The following EGFL6 variants were observed in gnomAD, a reference collection of about 807,000 sequenced individuals.
The protein encoded by EGFL6 is EGF like domain multiple 6.
EGFL6 carries 42 observed loss-of-function variants against 43.1 expected under a neutral mutation model. The ratio of observed to expected loss-of-function variants is 0.98; its 90% CI spans 0.76 to 1.26. The LOEUF is 1.26. Ranked by LOEUF, EGFL6 falls within the 50% of genes most tolerant of loss-of-function variation. The pLI is 0.00. For missense variants in EGFL6, 429 were observed against 427.8 expected (o/e 1.00, Z -0.02); for synonymous variants, 164 against 163.2 (o/e 1.01, Z -0.04).
At chrX:13,629,888 C>T (rs1399411105) in intron 11 of EGFL6, among the ~76,000 whole-genome samples, 1 of 111,965 alleles carries the variant, frequency 8.9e-6, no homozygotes, top group East Asian at 2.8e-4. Flanking sequence ...CACATCTTTA[C>T]TTCATCATGG....
intron 1 of EGFL6, among the ~76,000 whole-genome samples, chrX:13,583,516 T>A (rs977441352): frequency 2.7e-5 from 3 of 111,716 alleles, no homozygotes; most frequent in Non-Finnish European, 5.6e-5. Context: ...AGTTACTTAA[T>A]AAATTTTGGG....
intron 1 of EGFL6, among the ~76,000 whole-genome samples, chrX:13,578,617 A>G (rs1441580988): frequency 9.0e-6 from 1 of 111,148 alleles, no homozygotes; most frequent in Non-Finnish European, 1.9e-5. Context: ...TGATGAGTTC[A>G]TATCCTTTGT....
chrX:13,613,888 C>T (rs774436170), intron 7 of EGFL6, among the ~76,000 whole-genome samples: 34 of 111,754 alleles, frequency 3.0e-4, no homozygotes, highest in African/African-American at 1.0e-3. Flanking sequence ...TTTGCTACAA[C>T]CAGGCCATCC....
At chrX:13,625,621 T>C (rs772180061) in intron 10 of EGFL6, among the ~76,000 whole-genome samples, 1 of 109,625 alleles carries the variant, frequency 9.1e-6, no homozygotes, top group Non-Finnish European at 1.9e-5. Context: ...GAGGCGGAGG[T>C]TGCAGTGAGC....
At chrX:13,600,280 C>CTTCTTTTTTTTTTTTTTTTTTTTT (rs1326551826) in intron 4 of EGFL6, among the ~76,000 whole-genome samples, 186 bp downstream of exon 4, 5 of 44,278 alleles carry the variant, frequency 1.1e-4, no homozygotes, top group African/African-American at 1.9e-4. Context: ...TTTCTTTCTT[C>CTTCTTTTTTTTTTTTTTTTTTTTT]TTTTTTTTTT....
At chrX:13,610,143 G>A (rs2045681677) in intron 7 of EGFL6, among the ~76,000 whole-genome samples, 1 of 112,387 alleles carries the variant, frequency 8.9e-6, no homozygotes, top group Admixed American at 9.4e-5. Flanking sequence ...CAAAGAAAAT[G>A]AGTCTGGAAA....
At position 13,606,545 on chromosome X, in the gene EGFL6, C is replaced by T. The variant is rs201932499; in HGVS notation, c.655+32C>T. 4 of 1,192,183 alleles carry T rather than the reference C, an allele frequency of 3.4e-6. No homozygotes were observed. The African/African-American group carries it at 5.3e-5, about 16-fold the overall frequency. ...TTCGATGGCACCTTTTCCTTTTTTTCCTGTCCCCACCAAACCTTTGAGCCT... is the reference window on the plus strand; with the variant it reads ...TTCGATGGCACCTTTTCCTTTTTTTTCTGTCCCCACCAAACCTTTGAGCCT... On this transcript the variant is annotated intron_variant, in intron 6 of 11. Coordinates refer to ENST00000361306, the MANE Select transcript of EGFL6 (RefSeq NM_015507.4).
intron 7 of EGFL6, among the ~76,000 whole-genome samples, chrX:13,609,710 C>T (rs1050702773): frequency 9.0e-5 from 10 of 111,258 alleles, no homozygotes; most frequent in African/African-American, 2.6e-4. Flanking sequence ...GCCGAGATCG[C>T]ACCACTGCAC....
intron 4 of EGFL6, among the ~76,000 whole-genome samples, 183 bp downstream of exon 4, chrX:13,600,277 C>CTTTT (rs377751812): frequency 4.9e-5 from 3 of 60,628 alleles, no homozygotes; most frequent in South Asian, 1.8e-3. Flanking sequence ...TTCTTTCTTT[C>CTTTT]TTCTTTTTTT....
intron 3 of EGFL6, among the ~76,000 whole-genome samples, chrX:13,599,056 G>C (rs998552453): frequency 2.8e-5 from 3 of 108,504 alleles, no homozygotes; most frequent in African/African-American, 1.0e-4. Flanking sequence ...TGTCTGACAG[G>C]GCTCCCTCTA....
At chrX:13,603,535 C>T in intron 5 of EGFL6, 99 bp downstream of exon 5, 6 of 961,341 alleles carry the variant, frequency 6.2e-6, no homozygotes, top group Non-Finnish European at 8.4e-6. Context: ...GTTGACTAGA[C>T]ATTGGAAACT....
At chrX:13,586,699 A>G (rs1056218223) in intron 1 of EGFL6, among the ~76,000 whole-genome samples, 1 of 112,001 alleles carries the variant, frequency 8.9e-6, no homozygotes, top group Non-Finnish European at 1.9e-5. Flanking sequence ...CCATTGCACC[A>G]TATGACCCAA....
At chrX:13,570,187 G>A (rs781263704) in intron 1 of EGFL6, among the ~76,000 whole-genome samples, 37 of 111,600 alleles carry the variant, frequency 3.3e-4, no homozygotes, top group African/African-American at 1.2e-3. Flanking sequence ...GGCTGCGTCC[G>A]GAGGGTTGCA....
chrX:13,603,185 C>T (rs1356961511), intron 4 of EGFL6, 132 bp from the exon 5 acceptor site: 1 of 799,775 alleles, frequency 1.3e-6, no homozygotes, highest in Non-Finnish European at 1.7e-6. Context: ...ATTTGGGACT[C>T]AGACAATGAA....
At chrX:13,590,757 A>T (rs2045558713) in intron 2 of EGFL6, among the ~76,000 whole-genome samples, 1 of 112,237 alleles carries the variant, frequency 8.9e-6, no homozygotes, top group Non-Finnish European at 1.9e-5. Context: ...ACCTTCTGCC[A>T]TCATAGTTTG....
chrX:13,578,758 A>G (rs776407811), intron 1 of EGFL6, among the ~76,000 whole-genome samples: 2,061 of 105,239 alleles, frequency 0.02, 119 homozygotes, highest in African/African-American at 0.076. Context: ...GAAGGGGAAC[A>G]TCACACACCG....
intron 3 of EGFL6, among the ~76,000 whole-genome samples, chrX:13,597,544 G>T (rs1184268027): frequency 6.2e-5 from 7 of 112,015 alleles, no homozygotes; most frequent in African/African-American, 2.3e-4. Flanking sequence ...GGCACTTAGG[G>T]AGGTCGAGGT....
chrX:13,620,958 G>A (rs1323032355), intron 9 of EGFL6, among the ~76,000 whole-genome samples: 2 of 112,221 alleles, frequency 1.8e-5, no homozygotes, highest in Non-Finnish European at 3.8e-5. Flanking sequence ...GTCTTGGAAA[G>A]CTCAGTCCCA....
intron 9 of EGFL6, among the ~76,000 whole-genome samples, chrX:13,623,580 G>A (rs1048230034): frequency 1.0e-4 from 11 of 106,608 alleles, no homozygotes; most frequent in Non-Finnish European, 1.7e-4. Context: ...CACCATGTTG[G>A]CCAGGCTGGT....
Sources: gnomAD v4.1 joint callset for allele counts (sites outside exome capture counted in the v4.1 genomes callset) on GRCh38, gnomAD v4.1.1 for gene constraint, MANE v1.5 for transcripts, NCBI Gene and HGNC (gene_info 2026-07-23, HGNC 2026-07-21) for gene names.